Variants in DLGAP1 observed in about 807,000 individuals in gnomAD.
The protein encoded by DLGAP1 is disks large-associated protein 1.
A neutral mutation model predicts 90.8 loss-of-function variants in DLGAP1; 11 were observed. The observed-to-expected ratio is 0.12, with a 90% CI of 0.08 to 0.20. DLGAP1 has a LOEUF of 0.20. DLGAP1 is among the 10% of genes least tolerant of loss of function. The pLI is 1.00. For missense variants in DLGAP1, 1,050 were observed against 1,333.8 expected, an observed-to-expected ratio of 0.79 and a Z score of 3.31; for synonymous variants, 558 against 540.7, an observed-to-expected ratio of 1.03 and a Z score of -0.44.
At chr18:3,536,872 C>T (rs1426960332) in intron 9 of DLGAP1, among the ~76,000 whole-genome samples, 1 of 152,044 alleles carries the variant, frequency 6.6e-6, no homozygotes, top group Non-Finnish European at 1.5e-5. Flanking sequence ...AGGAGAGAAG[C>T]AAGGAACTCT....
intron 1 of DLGAP1, among the ~76,000 whole-genome samples, chr18:4,288,712 G>GT (rs1233063592): frequency 1.3e-5 from 2 of 152,090 alleles, no homozygotes; most frequent in African/African-American, 2.4e-5. Flanking sequence ...TCATTTCAAC[G>GT]TGGGGCACAC....
intron 3 of DLGAP1, among the ~76,000 whole-genome samples, chr18:3,917,175 C>A (rs536693309): frequency 4.6e-5 from 7 of 152,312 alleles, no homozygotes; most frequent in East Asian, 3.9e-4. Flanking sequence ...GTTAGCTGTA[C>A]TAAATGCATT....
chr18:4,057,867 T>C (rs1012936938), intron 2 of DLGAP1, among the ~76,000 whole-genome samples: 5 of 152,164 alleles, frequency 3.3e-5, no homozygotes, highest in African/African-American at 1.2e-4. Flanking sequence ...CCCCTGTACA[T>C]GATTTTCTCC....
intron 1 of DLGAP1, among the ~76,000 whole-genome samples, chr18:4,200,351 T>A (rs2077585398): frequency 1.3e-5 from 2 of 152,012 alleles, no homozygotes; most frequent in South Asian, 2.1e-4. Flanking sequence ...CAGATTTTTA[T>A]ATACTTTTGC....
chr18:3,782,073 A>T (rs983733515), intron 5 of DLGAP1, among the ~76,000 whole-genome samples: 16 of 150,930 alleles, frequency 1.1e-4, no homozygotes, highest in Admixed American at 1.1e-3. Context: ...GCTGTTCCCA[A>T]TGACCATCTT....
rs12455934 is a variant in DLGAP1 at position 4,040,579 on chromosome 18, T to G, written c.-158-35378A>C. 0.031 allele frequency among the ~76,000 whole-genome samples: 4,768 copies of G among 152,322 alleles called. 526 individuals carry two copies. In the East Asian group the frequency reaches 0.32, roughly 10 times the overall value. ...TGAAGTAAGTGATTAGTAGTTTCTTTGCTATCTCTTTTTTCCCTGTCACAC... is the reference window on the plus strand; with the variant it reads ...TGAAGTAAGTGATTAGTAGTTTCTTGGCTATCTCTTTTTTCCCTGTCACAC... On this transcript the variant is annotated intron_variant, in intron 2 of 12. Coordinates refer to ENST00000315677, the MANE Select transcript of DLGAP1 (RefSeq NM_004746.4).
intron 7 of DLGAP1, among the ~76,000 whole-genome samples, chr18:3,632,384 C>T (rs1164208684): frequency 6.6e-6 from 1 of 151,826 alleles, no homozygotes; most frequent in African/African-American, 2.4e-5. Flanking sequence ...TCACTGCAAC[C>T]TCCGCCTCCC....
In DLGAP1 at chr18:3,551,738, T is replaced by TCCTC. The variant is rs1568180664; in HGVS notation, c.2057+15751_2057+15752insGAGG. ...TCCCTCCCTCCCTTCCTTCCTTCCT[T>TCCTC]CCTTCCTTCCTTCCTTCCTTCCTTC... On this transcript the variant is annotated intron_variant, in intron 9 of 12. Transcript: ENST00000315677. 7.8e-3 allele frequency among the ~76,000 whole-genome samples: 459 copies of TCCTC among 58,536 alleles called. 32 individuals carry two copies. Among genetic ancestry groups the TCCTC allele is most frequent in the African/African-American group, 0.032 (441 of 13,686 alleles). The allele number at this position is 58,536 out of a possible 152,430, so 38.4% of individuals were successfully genotyped here. A position where few individuals can be genotyped will look rare whatever the true frequency, so the allele number is the denominator to read the frequency against.
Position 4,299,034 on chromosome 18 carries a change from T to C in DLGAP1, c.-266-147747A>G, listed in dbSNP as rs142637510. On this transcript the variant is annotated intron_variant, in intron 1 of 12. Coordinates refer to ENST00000315677, the MANE Select transcript of DLGAP1 (RefSeq NM_004746.4). ...AGGCACAGCTTGCGGTGAGCCCAGA[T>C]CACGCCACTGCAGTCTAGCCTGGGC... is the stretch of plus-strand genomic sequence containing the variant. 6.6e-5 allele frequency among the ~76,000 whole-genome samples: 9 copies of C among 136,772 alleles called. No individual in the cohort carries two copies. The East Asian group carries it at 1.9e-3, about 30-fold the overall frequency. 89.7% of individuals were successfully genotyped at this position (136,772 alleles called of 152,430 possible). A position where few individuals can be genotyped will look rare whatever the true frequency, so the allele number is the denominator to read the frequency against.
At chr18:3,875,053 C>T (rs1268719442) in intron 4 of DLGAP1, among the ~76,000 whole-genome samples, 4 of 152,122 alleles carry the variant, frequency 2.6e-5, no homozygotes, top group African/African-American at 7.2e-5. Context: ...CAGAGCTTTG[C>T]TAGTATTTAG....
At chr18:3,682,502 C>T (rs2060556168) in intron 7 of DLGAP1, among the ~76,000 whole-genome samples, 1 of 152,212 alleles carries the variant, frequency 6.6e-6, no homozygotes, top group Non-Finnish European at 1.5e-5. Context: ...ACAGAAAATA[C>T]ACGAGAAAAG....
chr18:4,413,229 C>G (rs1329134856), intron 1 of DLGAP1, among the ~76,000 whole-genome samples: 2 of 152,110 alleles, frequency 1.3e-5, no homozygotes, highest in Non-Finnish European at 2.9e-5. Flanking sequence ...AGGAGCAGTG[C>G]AGCCCAGAGA....
intron 7 of DLGAP1, among the ~76,000 whole-genome samples, chr18:3,635,312 A>G (rs1432590842): frequency 1.3e-5 from 2 of 150,870 alleles, no homozygotes; most frequent in Non-Finnish European, 3.0e-5. Flanking sequence ...TTTGTATTGT[A>G]TTTTTAGTAG....
At chr18:4,086,493 G>A (rs35458537) in intron 2 of DLGAP1, among the ~76,000 whole-genome samples, 39,291 of 152,022 alleles carry the variant, frequency 0.26, 5,380 homozygotes, top group Non-Finnish European at 0.31. Flanking sequence ...CACAAGTTTC[G>A]ATATGTTGTG....
At chr18:3,619,768 G>A (rs1261769699) in intron 7 of DLGAP1, among the ~76,000 whole-genome samples, 12 of 146,170 alleles carry the variant, frequency 8.2e-5, no homozygotes, top group African/African-American at 3.0e-4. Context: ...TTTGGTGGGA[G>A]ATATGGGATG....
intron 9 of DLGAP1, among the ~76,000 whole-genome samples, chr18:3,549,945 G>T (rs775429329): frequency 6.6e-6 from 1 of 150,656 alleles, no homozygotes; most frequent in African/African-American, 2.4e-5. Flanking sequence ...ATGGAGTCTC[G>T]CTCTGTTGCC....
At chr18:3,925,708 G>A (rs1032087284) in intron 3 of DLGAP1, among the ~76,000 whole-genome samples, 3 of 151,778 alleles carry the variant, frequency 2.0e-5, no homozygotes, top group African/African-American at 7.3e-5. Context: ...GTGCAGAGAA[G>A]AAAAAAAACC....
chr18:3,620,075 T>C (rs2058040851), intron 7 of DLGAP1, among the ~76,000 whole-genome samples: 1 of 152,012 alleles, frequency 6.6e-6, no homozygotes, highest in African/African-American at 2.4e-5. Context: ...TGCTACCTTC[T>C]AGGGAAAAAA....
chr18:4,406,936 A>C (rs1284314022), intron 1 of DLGAP1, among the ~76,000 whole-genome samples: 1 of 152,212 alleles, frequency 6.6e-6, no homozygotes, highest in African/African-American at 2.4e-5. Context: ...TTGAATAAAA[A>C]GCAATTTCTG....
Sources: gnomAD v4.1 joint callset for allele counts (sites outside exome capture counted in the v4.1 genomes callset) on GRCh38, gnomAD v4.1.1 for gene constraint, MANE v1.5 for transcripts, NCBI Gene and HGNC (gene_info 2026-07-23, HGNC 2026-07-21) for gene names.